SRFBP1: variants seen among roughly 807,000 people sequenced by gnomAD.
SRFBP1 encodes serum response factor binding protein 1.
SRFBP1 carries 47 observed loss-of-function variants against 45.5 expected under a neutral mutation model. The ratio of observed to expected loss-of-function variants is 1.03; its 90% CI spans 0.82 to 1.32. SRFBP1 has a LOEUF of 1.32. Ranked by LOEUF, SRFBP1 falls within the 40% of genes most tolerant of loss-of-function variation. The pLI, the probability that SRFBP1 is intolerant of heterozygous loss-of-function variation, is 0.00. For synonymous variants in SRFBP1, 203 were observed against 166.3 expected, an observed-to-expected ratio of 1.22 and a Z score of -1.70; for missense variants, 621 against 484.6, an observed-to-expected ratio of 1.28 and a Z score of -2.64.
At chr5:122,076,813 C>T (rs569957338), downstream of SRFBP1, 78 of 1,228,992 alleles carry the variant, frequency 6.3e-5, no homozygotes, top group Middle Eastern at 7.6e-4. Context: ...CTGCGCGAAG[C>T]AGTAGCAGTC....
At chr5:122,021,444 GT>G (rs1753319548) in intron 6 of SRFBP1, among the ~76,000 whole-genome samples, 1 of 152,058 alleles carries the variant, frequency 6.6e-6, no homozygotes, top group Admixed American at 6.6e-5. Context: ...GCTATAAACT[GT>G]TTTTGCATAT....
chr5:122,050,636 A>G (rs1158816827), intron 2 of SRFBP1, among the ~76,000 whole-genome samples: 2 of 151,398 alleles, frequency 1.3e-5, no homozygotes, highest in Admixed American at 6.6e-5. Context: ...GTTTATTTGG[A>G]TCTTTTTTGT....
chr5:121,999,914 A>T (rs905732926), intron 4 of SRFBP1, among the ~76,000 whole-genome samples: 2 of 152,106 alleles, frequency 1.3e-5, no homozygotes, highest in African/African-American at 4.8e-5. Flanking sequence ...TTTAAGTGGT[A>T]TGTTTAAGCC....
At chr5:122,054,173 C>A (rs1285834119) in intron 2 of SRFBP1, among the ~76,000 whole-genome samples, 1 of 152,182 alleles carries the variant, frequency 6.6e-6, no homozygotes, top group Non-Finnish European at 1.5e-5. Context: ...TTGACTGTTG[C>A]CCCCACAAAA....
rs1752873959 is a variant in SRFBP1 at position 122,001,621 on chromosome 5, G to A, written c.270+6951G>A. Among the ~76,000 whole-genome samples, 5 of 148,236 alleles carry A rather than the reference G, an allele frequency of 3.4e-5. No homozygotes were observed. In the Admixed American group the frequency reaches 3.4e-4, roughly 10 times the overall value. On this transcript the variant is annotated intron_variant, in intron 4 of 7. Transcript: ENST00000339397. Reference sequence around the variant, plus strand: ...CCAGGCCGGACTGCGGATTGCAGTGGCGCAATCTCGGCTCACTGCAAGCTC... The same window carrying A: ...CCAGGCCGGACTGCGGATTGCAGTGACGCAATCTCGGCTCACTGCAAGCTC...
At chr5:122,051,793 T>G (rs1753988239) in intron 2 of SRFBP1, among the ~76,000 whole-genome samples, 1 of 152,184 alleles carries the variant, frequency 6.6e-6, no homozygotes, top group Non-Finnish European at 1.5e-5. Flanking sequence ...GATCCTGTCA[T>G]CATGTTCTTA....
intron 2 of SRFBP1, among the ~76,000 whole-genome samples, chr5:122,073,563 TAC>T: frequency 6.6e-6 from 1 of 152,206 alleles, no homozygotes; most frequent in East Asian, 1.9e-4. Flanking sequence ...TATCTTTTTT[TAC>T]AGTTATTTAC....
intron 2 of SRFBP1, chr5:122,074,293 T>C: frequency 1.3e-6 from 1 of 755,070 alleles, no homozygotes; most frequent in Non-Finnish European, 2.1e-6. Flanking sequence ...ACCAAATTTA[T>C]CTTCTAAAAG....
chr5:122,076,549 A>C (rs1754640880), downstream of SRFBP1, among the ~76,000 whole-genome samples: 1 of 152,120 alleles, frequency 6.6e-6, no homozygotes, highest in Non-Finnish European at 1.5e-5. Context: ...CATTACAATA[A>C]ATTTTTTGAA....
Position 122,027,224 on chromosome 5 carries a change from A to C in SRFBP1, c.*98A>C. On this transcript the variant is annotated 3_prime_UTR_variant, in exon 8 of 8. Transcript: ENST00000339397. ...TGCCCAGACTAGAGTACAATATTGC[A>C]ATCACAGCTCACTGCAGCCTCAAAC... 1.0e-6 allele frequency: 1 copy of C among 982,750 alleles called. No individual in the cohort carries two copies. The allele number at this position is 982,750 out of a possible 1,614,324, so 60.9% of individuals were successfully genotyped here.
chr5:122,076,991 G>A (rs534087196), downstream of SRFBP1: 13 of 1,613,498 alleles, frequency 8.1e-6, no homozygotes, highest in Admixed American at 6.7e-5. Flanking sequence ...CGGCCACCAG[G>A]TCTGGGAGAC....
intron 4 of SRFBP1, 95 bp from the exon 5 acceptor site, chr5:122,019,165 A>G (rs1239262834): frequency 4.8e-6 from 5 of 1,043,442 alleles, no homozygotes; most frequent in Admixed American, 2.1e-5. Context: ...CTCCAACTCT[A>G]ATTTTAAAGA....
At chr5:122,053,286 C>T (rs1409931089) in intron 2 of SRFBP1, among the ~76,000 whole-genome samples, 1 of 152,104 alleles carries the variant, frequency 6.6e-6, no homozygotes, top group Non-Finnish European at 1.5e-5. Flanking sequence ...CTGCCTTGCC[C>T]TCTGGATGTT....
chr5:122,016,010 T>C (rs1246380115), intron 4 of SRFBP1, among the ~76,000 whole-genome samples: 2 of 152,208 alleles, frequency 1.3e-5, no homozygotes, highest in Non-Finnish European at 2.9e-5. Flanking sequence ...GATTATGTTA[T>C]TGTGACTGTG....
intron 5 of SRFBP1, among the ~76,000 whole-genome samples, chr5:122,019,755 T>A (rs1028781697): frequency 2.8e-4 from 42 of 151,970 alleles, no homozygotes; most frequent in African/African-American, 9.6e-4. Context: ...GCACAGTTTA[T>A]AATAATGCAT....
At chr5:122,024,033 C>T (rs1264140135) in intron 7 of SRFBP1, among the ~76,000 whole-genome samples, 1 of 152,158 alleles carries the variant, frequency 6.6e-6, no homozygotes, top group Non-Finnish European at 1.5e-5. Context: ...TTGCTGTGGG[C>T]AACTTTTCTT....
At chr5:121,966,562 G>A (rs1289941377) in intron 1 of SRFBP1, among the ~76,000 whole-genome samples, 3 of 152,086 alleles carry the variant, frequency 2.0e-5, no homozygotes, top group African/African-American at 7.2e-5. Context: ...GAGGAGAAAT[G>A]CACAATTGAA....
intron 3 of SRFBP1, among the ~76,000 whole-genome samples, chr5:121,988,736 C>A (rs551907902): frequency 3.4e-4 from 52 of 152,304 alleles, no homozygotes; most frequent in African/African-American, 1.2e-3. Flanking sequence ...CAGATTGGTA[C>A]CTTGTGGCCC....
At chr5:121,978,496 T>C (rs1308554351) in intron 3 of SRFBP1, among the ~76,000 whole-genome samples, 1 of 149,708 alleles carries the variant, frequency 6.7e-6, no homozygotes, top group Non-Finnish European at 1.5e-5. Context: ...TCTGTATTTC[T>C]TTTTTTTTTA....
Sources: gnomAD v4.1 joint callset for allele counts (sites outside exome capture counted in the v4.1 genomes callset) on GRCh38, gnomAD v4.1.1 for gene constraint, MANE v1.5 for transcripts, NCBI Gene and HGNC (gene_info 2026-07-23, HGNC 2026-07-21) for gene names.